The following TNS1 variants were observed in gnomAD, a reference collection of about 807,000 sequenced individuals.
TNS1 encodes the protein tensin-1.
TNS1 carries 62 observed loss-of-function variants against 168.6 expected under a neutral mutation model. The ratio of observed to expected loss-of-function variants is 0.37; its 90% CI spans 0.30 to 0.45. The LOEUF is 0.45. Ranked by LOEUF, TNS1 falls within the 20% of genes least tolerant of loss-of-function variation. The probability of loss-of-function intolerance (pLI) is 1.00; values close to 1 mark genes in which losing one functional copy is unlikely to be tolerated. For synonymous variants in TNS1, 934 were observed against 933.2 expected (o/e 1.00, Z -0.02); for missense variants, 2,240 against 2,339.4 (o/e 0.96, Z 0.88).
chr2:217,931,100 G>A (rs1325916223), intron 3 of TNS1, among the ~76,000 whole-genome samples: 2 of 152,176 alleles, frequency 1.3e-5, no homozygotes, highest in African/African-American at 4.8e-5. Flanking sequence ...AATGAGGATG[G>A]CCCCGCCCGG....
At chr2:217,830,265 C>T (rs1443303728) in intron 22 of TNS1, 6 of 1,457,268 alleles carry the variant, frequency 4.1e-6, no homozygotes, top group South Asian at 1.2e-5. Context: ...TCTACTGATC[C>T]CCCGTGGCTC....
intron 8 of TNS1, among the ~76,000 whole-genome samples, chr2:217,895,739 G>C (rs763992270): frequency 2.6e-5 from 4 of 152,118 alleles, no homozygotes; most frequent in African/African-American, 4.8e-5. Flanking sequence ...GGAATCCTAA[G>C]GAATTCTCCA....
intron 18 of TNS1, among the ~76,000 whole-genome samples, chr2:217,864,166 G>A (rs1395215145): frequency 1.3e-5 from 2 of 152,178 alleles, no homozygotes; most frequent in East Asian, 1.9e-4. Flanking sequence ...GATGAGGGTC[G>A]GGACATATCC....
intron 18 of TNS1, among the ~76,000 whole-genome samples, chr2:217,864,183 C>T (rs146730892): frequency 4.1e-4 from 62 of 152,322 alleles, no homozygotes; most frequent in African/African-American, 1.2e-3. Flanking sequence ...ATCCACTCAC[C>T]GCGCTTCTGC....
intron 2 of TNS1, among the ~76,000 whole-genome samples, chr2:217,987,869 G>C (rs546180247): frequency 1.3e-5 from 2 of 152,330 alleles, no homozygotes; most frequent in South Asian, 4.1e-4. Flanking sequence ...GGTGGCCCTG[G>C]TTGGGTGGGT....
intron 3 of TNS1, among the ~76,000 whole-genome samples, chr2:217,967,300 G>A (rs1339988213): frequency 6.6e-6 from 1 of 152,142 alleles, no homozygotes; most frequent in Non-Finnish European, 1.5e-5. Context: ...CAGCCTGGGT[G>A]ACAGAGCGAG....
chr2:217,893,401 C>T (rs1302207805), intron 10 of TNS1, 38 bp downstream of exon 10: 1 of 413,484 alleles, frequency 2.4e-6, no homozygotes, highest in Non-Finnish European at 3.7e-6. Context: ...TGCGCGCGCG[C>T]ACACACACAC....
chr2:217,831,638 CT>C (rs906062799), intron 21 of TNS1, 91 bp from the exon 22 acceptor site: 2 of 1,055,424 alleles, frequency 1.9e-6, no homozygotes, highest in Non-Finnish European at 2.6e-6. Flanking sequence ...TTAGTGAGGG[CT>C]GGGGGGCTGG....
At chr2:217,960,270 T>C (rs995868746) in intron 3 of TNS1, among the ~76,000 whole-genome samples, 3 of 152,154 alleles carry the variant, frequency 2.0e-5, no homozygotes, top group African/African-American at 4.8e-5. Flanking sequence ...ATTATCCCTA[T>C]CTTACATTTG....
intron 3 of TNS1, among the ~76,000 whole-genome samples, chr2:217,957,233 A>G (rs1957387892): frequency 6.6e-6 from 1 of 152,034 alleles, no homozygotes; most frequent in African/African-American, 2.4e-5. Context: ...CCTTACATGG[A>G]CATCTCAGGG....
chr2:218,006,084 C>A (rs1958654889), upstream of TNS1, among the ~76,000 whole-genome samples: 1 of 152,276 alleles, frequency 6.6e-6, no homozygotes. Context: ...GTGCCATCCC[C>A]ATTTCTGCCT....
At chr2:217,906,128 G>C (rs1442858263) in intron 6 of TNS1, among the ~76,000 whole-genome samples, 2 of 152,142 alleles carry the variant, frequency 1.3e-5, no homozygotes, top group Non-Finnish European at 2.9e-5. Context: ...GCTGATGAAT[G>C]AGCTCTGGAT....
chr2:217,905,532 C>T (rs1953563407), intron 6 of TNS1: 1 of 285,614 alleles, frequency 3.5e-6, no homozygotes, highest in Non-Finnish European at 7.1e-6. Flanking sequence ...AGGCAGCTGT[C>T]AGATGATAGG....
chr2:217,995,157 G>A lies in TNS1; in HGVS notation c.34-4101C>T, dbSNP rs1958445657. Among the ~76,000 whole-genome samples, 2 of 152,118 alleles carry A rather than the reference G, an allele frequency of 1.3e-5. No homozygotes were observed. Among genetic ancestry groups the A allele is most frequent in the African/African-American group, 2.4e-5 (1 of 41,424 alleles). On this transcript the variant is annotated intron_variant, in intron 1 of 32. Transcript: ENST00000682258. The surrounding 1 kb of genome is among the most constrained non-coding windows in gnomAD (Gnocchi z 4.1). The stretch of plus-strand genomic sequence containing the variant: ...GCTGTGAAACTCTGGTAGGAGCGAG[G>A]GACTAGCTCTGCCACCTCCAGGCAA...
chr2:217,825,190 T>C (rs940007547), intron 22 of TNS1, among the ~76,000 whole-genome samples: 2 of 152,232 alleles, frequency 1.3e-5, no homozygotes, highest in African/African-American at 4.8e-5. Context: ...TTATTTACTA[T>C]GTCATCCAGA....
At chr2:217,859,327 TG>T in intron 18 of TNS1, 2 of 371,356 alleles carry the variant, frequency 5.4e-6, no homozygotes, top group Non-Finnish European at 9.6e-6. Flanking sequence ...TTCCAGCTGC[TG>T]AACAATAAGG....
At chr2:217,875,121 C>T (rs1310884392) in intron 18 of TNS1, among the ~76,000 whole-genome samples, 2 of 152,218 alleles carry the variant, frequency 1.3e-5, no homozygotes, top group Non-Finnish European at 2.9e-5. Flanking sequence ...GTCTTCTTCC[C>T]ACAGCTGCAG....
chr2:218,018,161 C>T (rs1958778571), intron 1 of TNS1, among the ~76,000 whole-genome samples: 1 of 152,196 alleles, frequency 6.6e-6, no homozygotes, highest in African/African-American at 2.4e-5. Flanking sequence ...CCCCCGCAGC[C>T]CAACTCAAGA....
chr2:217,978,383 G>A (rs560778835), intron 3 of TNS1, among the ~76,000 whole-genome samples: 3 of 152,274 alleles, frequency 2.0e-5, no homozygotes, highest in Non-Finnish European at 4.4e-5. Flanking sequence ...GAGCCAACTG[G>A]GGTTGTGCGC....
Sources: allele counts gnomAD v4.1 joint callset (sites outside exome capture counted in the v4.1 genomes callset), GRCh38; gene constraint gnomAD v4.1.1; non-coding constraint Gnocchi (gnomAD v3.1); transcripts MANE v1.5; gene names NCBI Gene and HGNC (gene_info 2026-07-23, HGNC 2026-07-21).